TMEM74: variants seen among roughly 807,000 people sequenced by gnomAD.
TMEM74 encodes the protein transmembrane protein 74.
Under a neutral mutation model 18.1 loss-of-function variants are expected in TMEM74, and 13 were observed. That is an observed-to-expected ratio of 0.72 (90% CI 0.47 to 1.14). The LOEUF is 1.14. Ranked by LOEUF, TMEM74 falls within the 50% of genes most tolerant of loss-of-function variation. The pLI is 0.00. For missense variants in TMEM74, 372 were observed against 375.9 expected, an observed-to-expected ratio of 0.99 and a Z score of 0.09; for synonymous variants, 159 against 146.6, an observed-to-expected ratio of 1.08 and a Z score of -0.61.
At position 108,678,479 on chromosome 8, in the gene TMEM74, C is replaced by T. The variant is rs1586257495; in HGVS notation, n.120-23042G>A. 2.0e-5 allele frequency among the ~76,000 whole-genome samples: 3 copies of T among 151,508 alleles called. No individual in the cohort carries two copies. In the South Asian group the frequency reaches 6.2e-4, roughly 31 times the overall value. On this transcript the variant is annotated intron_variant and non_coding_transcript_variant, in intron 1 of 3. Coordinates refer to the TMEM74 transcript ENST00000518838. Reference sequence around the variant, plus strand: ...TCCTGGGTTCAGGCAATCCTCCTGCCTCAGCCTCTCAAGTAGCTGAGATTA... The same window carrying T: ...TCCTGGGTTCAGGCAATCCTCCTGCTTCAGCCTCTCAAGTAGCTGAGATTA...
intron 1 of TMEM74, among the ~76,000 whole-genome samples, chr8:108,734,856 T>A (rs1813730170): frequency 6.6e-6 from 1 of 152,192 alleles, no homozygotes; most frequent in Non-Finnish European, 1.5e-5. Context: ...TAGGCATTCC[T>A]ATTATTTCTA....
chr8:108,708,254 C>CTT (rs35851810), intron 1 of TMEM74, among the ~76,000 whole-genome samples: 1 of 143,336 alleles, frequency 7.0e-6, no homozygotes, highest in African/African-American at 2.6e-5. Context: ...TATGTAACAC[C>CTT]TTTTTTTTTT....
chr8:108,778,954 A>G (rs964492395), downstream of TMEM74, among the ~76,000 whole-genome samples: 58 of 152,212 alleles, frequency 3.8e-4, no homozygotes, highest in African/African-American at 1.4e-3. Flanking sequence ...AATGGTAGCA[A>G]GAAGAATGAC....
chr8:108,755,132 T>C (rs1563543219), intron 1 of TMEM74, among the ~76,000 whole-genome samples: 2 of 152,114 alleles, frequency 1.3e-5, no homozygotes, highest in Admixed American at 1.3e-4. Context: ...AGTGATTACA[T>C]AGCAAGAAAC....
chr8:108,732,200 T>C (rs1038190316), intron 1 of TMEM74, among the ~76,000 whole-genome samples: 15 of 152,190 alleles, frequency 9.9e-5, no homozygotes, highest in African/African-American at 2.2e-4. Context: ...AGATACACAG[T>C]ATTGCTTTAC....
At position 108,779,841 on chromosome 8, in the gene TMEM74, AGTTTT is replaced by A. The variant is rs2129659378; in HGVS notation, c.*4335_*4339del. Among the ~76,000 whole-genome samples, 1 of 152,334 alleles carries A rather than the reference AGTTTT, an allele frequency of 6.6e-6. No homozygotes were observed. The highest frequency in any genetic ancestry group is 2.4e-5 in the African/African-American group (1 of 41,578). On this transcript the variant is annotated 3_prime_UTR_variant, in exon 2 of 2. Transcript: ENST00000297459. The stretch of plus-strand genomic sequence containing the variant: ...GTGTAAGCCACAGATTCTTGAAATT[AGTTTT>A]ATGTGTTTAAAATAACGTCTTGCTT...
chr8:108,762,688 G>A (rs553270329), intron 1 of TMEM74, among the ~76,000 whole-genome samples: 2 of 151,850 alleles, frequency 1.3e-5, no homozygotes, highest in Admixed American at 1.3e-4. Context: ...TCATTAATTC[G>A]AATGGTACTC....
chr8:108,714,542 C>A (rs548188309), intron 1 of TMEM74, among the ~76,000 whole-genome samples: 1 of 151,912 alleles, frequency 6.6e-6, no homozygotes, highest in Admixed American at 6.6e-5. Context: ...CAGATGTTGG[C>A]GAGGCAGCAA....
intron 1 of TMEM74, among the ~76,000 whole-genome samples, chr8:108,675,301 A>T (rs1017801353): frequency 2.0e-5 from 3 of 152,136 alleles, no homozygotes; most frequent in African/African-American, 7.2e-5. Flanking sequence ...GAGACCTGAA[A>T]CTAAAAGTAA....
At chr8:108,641,211 G>A (rs537706626) in intron 2 of TMEM74, among the ~76,000 whole-genome samples, 1 of 152,196 alleles carries the variant, frequency 6.6e-6, no homozygotes, top group East Asian at 1.9e-4. Flanking sequence ...TAGATTGATT[G>A]CCTGGAAATC....
At chr8:108,625,946 A>C (rs1434564718) in intron 2 of TMEM74, among the ~76,000 whole-genome samples, 1 of 152,044 alleles carries the variant, frequency 6.6e-6, no homozygotes, top group African/African-American at 2.4e-5. Flanking sequence ...CTTTATGTAT[A>C]CTCCAAATAC....
At chr8:108,755,203 G>C (rs1250866062) in intron 1 of TMEM74, among the ~76,000 whole-genome samples, 1 of 152,044 alleles carries the variant, frequency 6.6e-6, no homozygotes, top group Non-Finnish European at 1.5e-5. Context: ...CATCCCAAGG[G>C]ATTGAATTCT....
intron 1 of TMEM74, among the ~76,000 whole-genome samples, chr8:108,664,562 A>G (rs572859497): frequency 6.6e-6 from 1 of 152,254 alleles, no homozygotes; most frequent in South Asian, 2.1e-4. Flanking sequence ...TTCTAGGTAT[A>G]GAATCATATT....
chr8:108,650,971 A>G (rs1812768725), intron 2 of TMEM74, among the ~76,000 whole-genome samples: 2 of 152,126 alleles, frequency 1.3e-5, no homozygotes, highest in Non-Finnish European at 2.9e-5. Context: ...TCGGCCTCGC[A>G]AAGTGTTGGG....
At chr8:108,661,543 A>C (rs1299670596) in intron 1 of TMEM74, among the ~76,000 whole-genome samples, 4 of 151,996 alleles carry the variant, frequency 2.6e-5, no homozygotes, top group Admixed American at 2.6e-4. Context: ...TAGAATTTCA[A>C]TTTTCATTAA....
In TMEM74 at chr8:108,618,767, A is replaced by G. The variant is rs548229383; in HGVS notation, n.265-9941T>C. Among the ~76,000 whole-genome samples the G allele has an allele frequency of 3.9e-5, 6 of 152,316 alleles. No individual in the cohort carries two copies. The South Asian group carries it at 1.2e-3, about 32-fold the overall frequency. ...TATGTTTAGTATGTTTTATTAAACT[A>G]GAGAAGGATGATTCAGTGACCTTGT... On this transcript the variant is annotated intron_variant and non_coding_transcript_variant, in intron 2 of 3. Coordinates refer to the TMEM74 transcript ENST00000518838.
intron 1 of TMEM74, among the ~76,000 whole-genome samples, chr8:108,690,077 GTA>G (rs1006688000): frequency 2.0e-5 from 3 of 151,806 alleles, no homozygotes; most frequent in Non-Finnish European, 4.4e-5. Context: ...ATATACACAC[GTA>G]TATATACACT....
chr8:108,713,230 AG>A (rs1315531827), intron 1 of TMEM74, among the ~76,000 whole-genome samples: 4 of 152,200 alleles, frequency 2.6e-5, no homozygotes, highest in Non-Finnish European at 5.9e-5. Context: ...TAAGAAGATA[AG>A]GCCATAGGAA....
intron 1 of TMEM74, among the ~76,000 whole-genome samples, chr8:108,709,917 A>G (rs1813458235): frequency 6.6e-6 from 1 of 152,194 alleles, no homozygotes; most frequent in Non-Finnish European, 1.5e-5. Flanking sequence ...CTGCTTTTTA[A>G]TTTGATGTTT....
Sources: gnomAD v4.1 joint callset for allele counts (sites outside exome capture counted in the v4.1 genomes callset) on GRCh38, gnomAD v4.1.1 for gene constraint, MANE v1.5 for transcripts, NCBI Gene and HGNC (gene_info 2026-07-23, HGNC 2026-07-21) for gene names.